The following SLX4IP variants were observed in gnomAD, a reference collection of about 807,000 sequenced individuals.
SLX4IP encodes the protein protein SLX4IP.
A neutral mutation model predicts 32.9 loss-of-function variants in SLX4IP; 34 were observed. The ratio of observed to expected loss-of-function variants is 1.03; its 90% CI spans 0.79 to 1.38. SLX4IP has a LOEUF of 1.38. SLX4IP is among the 40% of genes most tolerant of loss of function. The pLI is 0.00. For synonymous variants in SLX4IP, 172 were observed against 171.7 expected, an observed-to-expected ratio of 1.00 and a Z score of -0.01; for missense variants, 444 against 479.0, an observed-to-expected ratio of 0.93 and a Z score of 0.68.
chr20:10,598,011 A>C (rs2066793535), intron 4 of SLX4IP, among the ~76,000 whole-genome samples: 1 of 152,266 alleles, frequency 6.6e-6, no homozygotes, highest in South Asian at 2.1e-4. Context: ...AATAGGTATG[A>C]ACTGCTTCTT....
chr20:10,452,842 C>G (rs967228096), intron 1 of SLX4IP, among the ~76,000 whole-genome samples: 1 of 150,972 alleles, frequency 6.6e-6, no homozygotes, highest in Non-Finnish European at 1.5e-5. Context: ...CAAAGTGAGA[C>G]TCTGTCTCAG....
intron 3 of SLX4IP, among the ~76,000 whole-genome samples, chr20:10,558,418 G>T (rs898628485): frequency 2.6e-5 from 4 of 151,328 alleles, no homozygotes; most frequent in Non-Finnish European, 5.9e-5. Context: ...TAAGAAAGGA[G>T]AAAAGCTAGT....
intron 1 of SLX4IP, among the ~76,000 whole-genome samples, 154 bp downstream of exon 1, chr20:10,435,607 G>C (rs1275822737): frequency 1.3e-5 from 2 of 152,160 alleles, no homozygotes; most frequent in Non-Finnish European, 2.9e-5. Flanking sequence ...TTTTCAAAAA[G>C]CCAAAAAGTT....
chr20:10,548,308 G>A (rs545831878), intron 2 of SLX4IP, among the ~76,000 whole-genome samples: 1 of 148,206 alleles, frequency 6.7e-6, no homozygotes, highest in East Asian at 2.0e-4. Context: ...GCATGATCTC[G>A]GCTCACTGCA....
chr20:10,550,088 C>T (rs934120117), intron 2 of SLX4IP, among the ~76,000 whole-genome samples: 15 of 152,146 alleles, frequency 9.9e-5, no homozygotes, highest in African/African-American at 3.6e-4. Flanking sequence ...TTCTCATCTT[C>T]TTGACTCTGA....
intron 2 of SLX4IP, among the ~76,000 whole-genome samples, chr20:10,500,543 G>A (rs2065709299): frequency 6.6e-6 from 1 of 152,074 alleles, no homozygotes; most frequent in East Asian, 1.9e-4. Flanking sequence ...TTGAGTCCAG[G>A]AAATTAAGAC....
intron 2 of SLX4IP, among the ~76,000 whole-genome samples, chr20:10,527,244 C>T (rs116920597): frequency 1.7e-3 from 258 of 152,292 alleles, no homozygotes; most frequent in Middle Eastern, 3.4e-3. Context: ...AAAGCCAGCT[C>T]GCCCATGAGG....
intron 2 of SLX4IP, among the ~76,000 whole-genome samples, chr20:10,474,771 C>T (rs2065460276): frequency 6.6e-6 from 1 of 152,246 alleles, no homozygotes; most frequent in South Asian, 2.1e-4. Context: ...CTAATCGGGG[C>T]TGCTGAATCA....
chr20:10,498,476 C>T (rs555993127), intron 2 of SLX4IP, among the ~76,000 whole-genome samples: 4 of 152,204 alleles, frequency 2.6e-5, no homozygotes, highest in African/African-American at 9.6e-5. Context: ...TCTGTGGTAT[C>T]TACCCTGCCT....
chr20:10,490,101 A>G (rs2065609437), intron 2 of SLX4IP, among the ~76,000 whole-genome samples: 1 of 152,140 alleles, frequency 6.6e-6, no homozygotes, highest in Non-Finnish European at 1.5e-5. Flanking sequence ...CTCTATCACC[A>G]TGAAAGGCCT....
intron 2 of SLX4IP, among the ~76,000 whole-genome samples, chr20:10,481,250 G>C (rs1381224011): frequency 6.6e-6 from 1 of 152,098 alleles, no homozygotes; most frequent in African/African-American, 2.4e-5. Flanking sequence ...TAAAGGAAAA[G>C]AAATCACTCT....
intron 2 of SLX4IP, among the ~76,000 whole-genome samples, chr20:10,472,796 C>G (rs754516684): frequency 9.9e-5 from 15 of 152,216 alleles, no homozygotes; most frequent in Non-Finnish European, 1.8e-4. Context: ...GCACCCATCC[C>G]TTTTCCCTTC....
chr20:10,488,255 A>G (rs680717), intron 2 of SLX4IP, among the ~76,000 whole-genome samples: 40,985 of 152,138 alleles, frequency 0.27, 5,567 homozygotes, highest in Admixed American at 0.3. Flanking sequence ...AATATGACTG[A>G]TGTTCCTATA....
At chr20:10,608,447 C>T (rs977864719) in intron 6 of SLX4IP, among the ~76,000 whole-genome samples, 5 of 151,676 alleles carry the variant, frequency 3.3e-5, no homozygotes, top group East Asian at 1.9e-4. Flanking sequence ...GGGCGGATCA[C>T]GAGGTCAGGA....
intron 4 of SLX4IP, among the ~76,000 whole-genome samples, chr20:10,569,645 G>A (rs1242329451): frequency 6.6e-6 from 1 of 152,140 alleles, no homozygotes; most frequent in African/African-American, 2.4e-5. Context: ...GTTGATGGCT[G>A]TCTCCTCCCT....
chr20:10,541,037 C>A (rs1008202424), intron 2 of SLX4IP, among the ~76,000 whole-genome samples: 1 of 152,162 alleles, frequency 6.6e-6, no homozygotes, highest in Admixed American at 6.5e-5. Context: ...TCATTCTCAG[C>A]AAAACTAAGG....
intron 6 of SLX4IP, chr20:10,613,855 C>A: frequency 6.3e-7 from 1 of 1,594,664 alleles, no homozygotes; most frequent in Non-Finnish European, 8.6e-7. Flanking sequence ...TCTTCCAAAC[C>A]TTTGTATGTC....
rs201343010 is a variant in SLX4IP, at chr20:10,598,719, C to A, written c.283C>A (p.Arg95Ser). Reference sequence around the variant, plus strand: ...AGCCTATTTCCTCAAGAGAGGGATACGCCTTCGCTGCATCAGGAGCACACA... The same window carrying A: ...AGCCTATTTCCTCAAGAGAGGGATAAGCCTTCGCTGCATCAGGAGCACACA... ...ITAYFLKRGI[R>S]LRCIRSTQNA... Residue 95 changes from arginine (R) to serine (S), a missense_variant, in exon 5 of 8, where the codon CGC becomes AGC. By Grantham distance (110) the Arg-to-Ser change is moderately radical. Transcript: ENST00000334534. 6.2e-7 allele frequency: 1 copy of A among 1,614,118 alleles called. No individual in the cohort carries two copies. Among genetic ancestry groups the A allele is most frequent in the East Asian group, 2.2e-5 (1 of 44,880 alleles).
intron 6 of SLX4IP, among the ~76,000 whole-genome samples, chr20:10,615,513 T>G (rs1004181824): frequency 3.9e-5 from 6 of 152,154 alleles, no homozygotes; most frequent in Admixed American, 2.0e-4. Flanking sequence ...CCTGACTGAC[T>G]CTGAGGACTT....
Sources: allele counts gnomAD v4.1 joint callset (sites outside exome capture counted in the v4.1 genomes callset), GRCh38; gene constraint gnomAD v4.1.1; transcripts MANE v1.5; gene names NCBI Gene and HGNC (gene_info 2026-07-23, HGNC 2026-07-21).